The following USH2A variants were observed in gnomAD, a reference collection of about 807,000 sequenced individuals.
The protein encoded by USH2A is Usher syndrome 2A (autosomal recessive, mild).
Under a neutral mutation model 538.9 loss-of-function variants are expected in USH2A, and 443 were observed. The ratio of observed to expected loss-of-function variants is 0.82; its 90% CI spans 0.76 to 0.89. The LOEUF (loss-of-function observed/expected upper bound fraction) is 0.89, where lower values mean the gene tolerates loss of function less well. USH2A is among the 40% of genes least tolerant of loss of function. USH2A has a pLI of 0.00. For synonymous variants in USH2A, 2,413 were observed against 2,273.5 expected (o/e 1.06, Z -1.75); for missense variants, 6,633 against 6,324.8 (o/e 1.05, Z -1.65).
At chr1:215,726,436 T>C (rs1659819422) in intron 61 of USH2A, among the ~76,000 whole-genome samples, 1 of 152,204 alleles carries the variant, frequency 6.6e-6, no homozygotes, top group African/African-American at 2.4e-5. Flanking sequence ...TTTAGTCATA[T>C]GAGAAAATTA....
At chr1:216,373,636 T>C (rs1184998353) in intron 3 of USH2A, among the ~76,000 whole-genome samples, 1 of 152,180 alleles carries the variant, frequency 6.6e-6, no homozygotes, top group Non-Finnish European at 1.5e-5. Context: ...AAGCACGATG[T>C]AAACATCAAA....
At chr1:216,193,084 GAAC>G (rs1430573176) in intron 19 of USH2A, among the ~76,000 whole-genome samples, 2 of 151,730 alleles carry the variant, frequency 1.3e-5, no homozygotes, top group African/African-American at 4.8e-5. Flanking sequence ...TTTTTTCTTA[GAAC>G]AACAACTACT....
At chr1:216,391,601 A>C (rs1571772786) in intron 3 of USH2A, among the ~76,000 whole-genome samples, 1 of 152,290 alleles carries the variant, frequency 6.6e-6, no homozygotes, top group East Asian at 1.9e-4. Flanking sequence ...ACTTGCCCCT[A>C]GTACATCTTA....
At chr1:216,148,030 G>A (rs1066178) in intron 21 of USH2A, among the ~76,000 whole-genome samples, 82,606 of 140,248 alleles carry the variant, frequency 0.59, 24,645 homozygotes, top group East Asian at 0.77. Context: ...GACACTGCCC[G>A]ATCGCCTCGG....
chr1:216,232,445 A>G (rs1019889492), intron 13 of USH2A, among the ~76,000 whole-genome samples: 8 of 152,228 alleles, frequency 5.3e-5, no homozygotes, highest in Non-Finnish European at 8.8e-5. Context: ...AGATATTACC[A>G]GTCATTCAGT....
At chr1:215,964,195 G>A (rs1007581006) in intron 37 of USH2A, among the ~76,000 whole-genome samples, 3 of 152,050 alleles carry the variant, frequency 2.0e-5, no homozygotes, top group Non-Finnish European at 4.4e-5. Context: ...GAAATAGCTG[G>A]GCTGTCATGG....
intron 13 of USH2A, among the ~76,000 whole-genome samples, chr1:216,233,738 AT>A (rs1307385990): frequency 6.6e-6 from 1 of 152,156 alleles, no homozygotes; most frequent in African/African-American, 2.4e-5. Flanking sequence ...GTTTATTCAA[AT>A]TACTTAAAAT....
intron 38 of USH2A, among the ~76,000 whole-genome samples, chr1:215,929,412 G>T (rs764262579): frequency 6.6e-6 from 1 of 151,990 alleles, no homozygotes; most frequent in Non-Finnish European, 1.5e-5. Flanking sequence ...CATCTAATAT[G>T]CATCACAACC....
At chr1:216,332,047 C>T (rs901232127) in intron 4 of USH2A, among the ~76,000 whole-genome samples, 9 of 152,090 alleles carry the variant, frequency 5.9e-5, no homozygotes, top group Admixed American at 1.3e-4. Flanking sequence ...TTCCTATTCC[C>T]GTACTCCTCT....
chr1:215,725,647 T>C (rs1659790894), intron 61 of USH2A, among the ~76,000 whole-genome samples: 1 of 152,148 alleles, frequency 6.6e-6, no homozygotes, highest in African/African-American at 2.4e-5. Flanking sequence ...CATTCAAAAA[T>C]AGGACACAGA....
At chr1:215,855,353 C>T (rs1159233542) in intron 44 of USH2A, among the ~76,000 whole-genome samples, 1 of 152,136 alleles carries the variant, frequency 6.6e-6, no homozygotes, top group Non-Finnish European at 1.5e-5. Context: ...ACACAAAGAG[C>T]TACCAAGCTG....
At chr1:215,983,714 C>A (rs535884958) in intron 35 of USH2A, among the ~76,000 whole-genome samples, 1 of 152,070 alleles carries the variant, frequency 6.6e-6, no homozygotes, top group Non-Finnish European at 1.5e-5. Context: ...AACAGGAAAC[C>A]AATGACAACT....
chr1:216,344,829 G>A (rs552831587), intron 4 of USH2A, among the ~76,000 whole-genome samples: 7 of 151,472 alleles, frequency 4.6e-5, no homozygotes, highest in Non-Finnish European at 1.0e-4. Flanking sequence ...AGATTTAGGG[G>A]GTTTCAGGCC....
chr1:215,668,310 C>G (rs913039694), intron 64 of USH2A, among the ~76,000 whole-genome samples: 2 of 152,188 alleles, frequency 1.3e-5, no homozygotes, highest in Non-Finnish European at 2.9e-5. Context: ...TGTAAGATTA[C>G]TCAGGGTCCA....
chr1:215,900,614 A>G (rs1665467798), intron 39 of USH2A, 141 bp downstream of exon 39: 1 of 1,066,118 alleles, frequency 9.4e-7, no homozygotes, highest in African/African-American at 1.6e-5. Flanking sequence ...GCAAATGATT[A>G]TCCTCTAATT....
chr1:216,070,475 A>C (rs2031522749), intron 29 of USH2A, among the ~76,000 whole-genome samples, 183 bp from the exon 30 acceptor site: 1 of 152,172 alleles, frequency 6.6e-6, no homozygotes, highest in Admixed American at 6.5e-5. Context: ...ATTCAGTTTA[A>C]GCGATATTTC....
chr1:215,993,130 C>A lies in USH2A; in HGVS notation c.6695G>T (p.Ser2232Ile). 1 of 1,614,018 alleles carries A rather than the reference C, an allele frequency of 6.2e-7. No homozygotes were observed. Among genetic ancestry groups the A allele is most frequent in the South Asian group, 1.1e-5 (1 of 91,086 alleles). The change falls in exon 35 of 72, where the codon AGT becomes ATT. Residue 2232 changes from serine to isoleucine, a missense_variant. Physicochemically the swap from Ser to Ile is moderately radical, Grantham distance 142. Transcript: ENST00000307340. ...TGGGCTVSEA[S>I]EALTDEDIPE... ...TATGTCCTCGTCAGTTAGGGCCTCA[C>A]TGGCCTCACTCACTGTGCACCCACC...
chr1:215,693,392 GAGA>G (rs1220452396), intron 61 of USH2A, among the ~76,000 whole-genome samples: 2 of 152,024 alleles, frequency 1.3e-5, no homozygotes, highest in Non-Finnish European at 2.9e-5. Flanking sequence ...ATGAAGCTAG[GAGA>G]TTTGTATTGT....
intron 11 of USH2A, among the ~76,000 whole-genome samples, chr1:216,275,692 G>A (rs953116667): frequency 1.3e-5 from 2 of 152,110 alleles, no homozygotes; most frequent in African/African-American, 4.8e-5. Flanking sequence ...GGTAAGATAA[G>A]TGGAATCTCT....
Sources: gnomAD v4.1 joint callset for allele counts (sites outside exome capture counted in the v4.1 genomes callset) on GRCh38, gnomAD v4.1.1 for gene constraint, MANE v1.5 for transcripts, NCBI Gene and HGNC (gene_info 2026-07-23, HGNC 2026-07-21) for gene names.